The following MRPL37 variants were observed in gnomAD, a reference collection of about 807,000 sequenced individuals.
MRPL37 encodes large ribosomal subunit protein mL37.
In MRPL37, 34 loss-of-function variants were observed where a neutral mutation model predicts 44.1. The observed-to-expected ratio is 0.77, with a 90% CI of 0.59 to 1.03. The LOEUF is 1.03. Ranked by LOEUF, MRPL37 falls within the 50% of genes least tolerant of loss-of-function variation. The probability of loss-of-function intolerance (pLI) is 0.00; values close to 1 mark genes in which losing one functional copy is unlikely to be tolerated. For synonymous variants in MRPL37, 212 were observed against 219.5 expected, an observed-to-expected ratio of 0.97 and a Z score of 0.30; for missense variants, 532 against 543.7, an observed-to-expected ratio of 0.98 and a Z score of 0.21.
At chr1:54,204,152 G>A (rs1644104508) in intron 1 of MRPL37, among the ~76,000 whole-genome samples, 1 of 152,176 alleles carries the variant, frequency 6.6e-6, no homozygotes, top group African/African-American at 2.4e-5. Flanking sequence ...GGAGGCCTAG[G>A]CAGGCAGATT....
chr1:54,201,254 T>G lies in MRPL37; in HGVS notation c.346+665T>G, dbSNP rs147781300. 1.3e-3 allele frequency among the ~76,000 whole-genome samples: 199 copies of G among 152,252 alleles called. 2 individuals carry two copies. The Middle Eastern group carries it at 0.02, about 16-fold the overall frequency. Reference sequence around the variant, plus strand: ...ATGGTTGAGGTAAGTGGAAACAGTATTTTCCAAGGAGTGATTAGGGGGGAA... The same window carrying G: ...ATGGTTGAGGTAAGTGGAAACAGTAGTTTCCAAGGAGTGATTAGGGGGGAA... On this transcript the variant is annotated intron_variant, in intron 1 of 6. Coordinates refer to ENST00000360840, the MANE Select transcript of MRPL37 (RefSeq NM_016491.4).
rs146793580 is a variant in MRPL37 at position 54,200,518 on chromosome 1, C to A, written c.275C>A (p.Pro92His). The A allele has an allele frequency of 6.2e-7, 1 of 1,614,036 alleles. No individual in the cohort carries two copies. The highest frequency in any genetic ancestry group is 1.3e-5 in the African/African-American group (1 of 74,954). ...YKDPRFYRSP[P>H]LHEHPLYKDQ... is the part of the protein sequence containing the mutation. The stretch of plus-strand genomic sequence containing the variant: ...GACCCAAGGTTCTACCGCTCGCCCC[C>A]TCTTCACGAGCATCCGCTGTACAAA... The change falls in exon 1 of 7, where the codon CCT becomes CAT. Residue 92 changes from proline (P) to histidine (H), a missense_variant. Coordinates refer to ENST00000360840, the MANE Select transcript of MRPL37 (RefSeq NM_016491.4).
At chr1:54,205,527 C>G in intron 3 of MRPL37, 117 bp downstream of exon 3, 1 of 814,494 alleles carries the variant, frequency 1.2e-6, no homozygotes, top group East Asian at 2.6e-5. Flanking sequence ...TCCCATCATT[C>G]GTGGTCTCGT....
At chr1:54,202,855 G>A (rs1644094638) in intron 1 of MRPL37, among the ~76,000 whole-genome samples, 1 of 152,200 alleles carries the variant, frequency 6.6e-6, no homozygotes, top group Non-Finnish European at 1.5e-5. Flanking sequence ...GCTGAGATGG[G>A]TGGTCTGCCA....
rs1570133433 is a variant in MRPL37 at position 54,200,273 on chromosome 1, G to C, written c.30G>C (p.Arg10=). The C allele has an allele frequency of 6.3e-7, 1 of 1,599,786 alleles. No homozygotes were observed. The highest frequency in any genetic ancestry group is 2.2e-5 in the East Asian group (1 of 44,664). ...CATTGGCGTCCGGGCCCGCAAGGCG[G>C]GCGCTAGCTGGCTCCGGGCAGCTCG... MALASGPAR[R]ALAGSGQLGL... is the part of the protein sequence containing the mutation. Residue 10 remains arginine (R), a synonymous_variant, in exon 1 of 7, where the codon CGG becomes CGC. Coordinates refer to ENST00000360840, the MANE Select transcript of MRPL37 (RefSeq NM_016491.4).
chr1:54,201,353 A>G (rs1221555448), intron 1 of MRPL37, among the ~76,000 whole-genome samples: 2 of 152,194 alleles, frequency 1.3e-5, no homozygotes, highest in South Asian at 2.1e-4. Flanking sequence ...ACTTAAGTCA[A>G]TTGGCCAGCC....
rs1165617090 is a variant in MRPL37, at chr1:54,205,283, T to C, written c.531-12T>C. 3.7e-6 allele frequency: 6 copies of C among 1,611,188 alleles called. No homozygotes were observed. Among genetic ancestry groups the C allele is most frequent in the African/African-American group, 1.3e-5 (1 of 74,818 alleles). On this transcript the variant is annotated splice_polypyrimidine_tract_variant and intron_variant, in intron 2 of 6. Transcript: ENST00000360840. ...TGCTTTAAGTCCCCAAATGTCTCTT[T>C]TTGTCTTCAAGCCCGGTCATCGTGG...
At chr1:54,214,442 T>G (rs138459545) in intron 5 of MRPL37, among the ~76,000 whole-genome samples, 5 of 152,328 alleles carry the variant, frequency 3.3e-5, no homozygotes, top group African/African-American at 1.2e-4. Context: ...ATTCTCTGAC[T>G]ATATACTTCC....
chr1:54,217,081 C>T (rs988519282), intron 6 of MRPL37, among the ~76,000 whole-genome samples: 1 of 152,098 alleles, frequency 6.6e-6, no homozygotes, highest in South Asian at 2.1e-4. Context: ...TAATATGCAC[C>T]CTGGAGAGAC....
At chr1:54,215,699 T>A (rs1376388927) in intron 5 of MRPL37, among the ~76,000 whole-genome samples, 1 of 152,180 alleles carries the variant, frequency 6.6e-6, no homozygotes, top group Non-Finnish European at 1.5e-5. Flanking sequence ...AGTTTCCTCA[T>A]CTGTCAAATG....
downstream of MRPL37, chr1:54,225,183 G>A: frequency 8.1e-7 from 1 of 1,234,362 alleles, no homozygotes; most frequent in Non-Finnish European, 1.0e-6. Context: ...AATGGAAAAT[G>A]GCTTTTAGAC....
chr1:54,200,619 C>T (rs370970535), intron 1 of MRPL37, 30 bp downstream of exon 1: 13 of 1,565,256 alleles, frequency 8.3e-6, no homozygotes, highest in Admixed American at 5.3e-5. Context: ...GGCAAGGGAC[C>T]GTGTTCCTCT....
rs750314224 is a variant in MRPL37 at position 54,200,237 on chromosome 1, G to A, written c.-7G>A. The A allele has an allele frequency of 3.2e-6, 5 of 1,563,086 alleles. No homozygotes were observed. The Admixed American group carries it at 7.6e-5, about 24-fold the overall frequency. On this transcript the variant is annotated 5_prime_UTR_variant, in exon 1 of 7. Transcript: ENST00000360840. Reference sequence around the variant, plus strand: ...CCAGGTGGAGGTCTTGAGGCTATCAGATCGGTATGGCATTGGCGTCCGGGC... The same window carrying A: ...CCAGGTGGAGGTCTTGAGGCTATCAAATCGGTATGGCATTGGCGTCCGGGC...
rs749789100 is a variant in MRPL37, at chr1:54,218,203, A to T, written c.1226A>T (p.Glu409Val). The T allele has an allele frequency of 6.2e-7, 1 of 1,614,220 alleles. No individual in the cohort carries two copies. Among genetic ancestry groups the T allele is most frequent in the Non-Finnish European group, 8.5e-7 (1 of 1,180,038 alleles). The change falls in exon 7 of 7, where the codon GAG becomes GTG. Residue 409 changes from glutamate (E) to valine (V), a missense_variant. Glu to Val is a moderately radical substitution (Grantham distance 121, BLOSUM62 -2). Transcript: ENST00000360840. ...GTTGGCCCAGTTGGTTTCAAGCCAG[A>T]GACATTCAGAAAGTTTTTAGCTCTA... ...EPVGPVGFKP[E>V]TFRKFLALYL...
downstream of MRPL37, among the ~76,000 whole-genome samples, chr1:54,222,653 C>T (rs973132064): frequency 3.3e-5 from 5 of 152,158 alleles, no homozygotes; most frequent in African/African-American, 4.8e-5. Flanking sequence ...GATCTCAGGG[C>T]CCAGTCCTTC....
chr1:54,212,629 G>T lies in MRPL37; in HGVS notation c.961G>T (p.Ala321Ser), dbSNP rs776275466. The T allele has an allele frequency of 5.6e-6, 9 of 1,614,116 alleles. No individual in the cohort carries two copies. Among genetic ancestry groups the T allele is most frequent in the Non-Finnish European group, 7.6e-6 (9 of 1,180,054 alleles). ...AKMILFAFGS[A>S]LAQARLLYGN... The stretch of plus-strand genomic sequence containing the variant: ...GATGATCCTGTTTGCTTTTGGCAGT[G>T]CCCTGGCTCAGGCCCGGCTCCTCTA... The change falls in exon 5 of 7, where the codon GCC becomes TCC. Residue 321 changes from alanine to serine, a missense_variant. By Grantham distance (99) the Ala-to-Ser change is moderately conservative. Coordinates refer to ENST00000360840, the MANE Select transcript of MRPL37 (RefSeq NM_016491.4).
downstream of MRPL37, chr1:54,225,481 C>T (rs1005465019): frequency 1.7e-6 from 2 of 1,148,400 alleles, no homozygotes; most frequent in African/African-American, 1.6e-5. Flanking sequence ...ATATATCGTA[C>T]ACAAACTACA....
At chr1:54,216,453 G>A (rs1051153530) in intron 6 of MRPL37, 109 bp downstream of exon 6, 2 of 1,291,168 alleles carry the variant, frequency 1.5e-6, no homozygotes, top group African/African-American at 1.5e-5. Flanking sequence ...CCCTGGCCCT[G>A]GGGACTTCCC....
At chr1:54,202,851 ATGGG>A (rs1644094625) in intron 1 of MRPL37, among the ~76,000 whole-genome samples, 1 of 152,176 alleles carries the variant, frequency 6.6e-6, no homozygotes, top group African/African-American at 2.4e-5. Context: ...TCCAGCTGAG[ATGGG>A]TGGTCTGCCA....
Sources: gnomAD v4.1 joint callset for allele counts (sites outside exome capture counted in the v4.1 genomes callset) on GRCh38, gnomAD v4.1.1 for gene constraint, MANE v1.5 for transcripts, NCBI Gene and HGNC (gene_info 2026-07-23, HGNC 2026-07-21) for gene names.